LRRC8B: variants seen among roughly 807,000 people sequenced by gnomAD.
The protein encoded by LRRC8B is leucine rich repeat containing 8 VRAC subunit B, also known as volume-regulated anion channel subunit LRRC8B.
Under a neutral mutation model 58.8 loss-of-function variants are expected in LRRC8B, and 23 were observed. The ratio of observed to expected loss-of-function variants is 0.39; its 90% CI spans 0.28 to 0.55. The LOEUF is 0.55. Ranked by LOEUF, LRRC8B falls within the 20% of genes least tolerant of loss-of-function variation. The probability of loss-of-function intolerance (pLI) is 0.62; values close to 1 mark genes in which losing one functional copy is unlikely to be tolerated. For missense variants in LRRC8B, 694 were observed against 936.0 expected (o/e 0.74, Z 3.37); for synonymous variants, 359 against 374.1 (o/e 0.96, Z 0.47).
Position 89,534,542 on chromosome 1 carries a change from C to T in LRRC8B, c.-241+9520C>T, listed in dbSNP as rs906984020. ...ACACACACACACACACACACACACTCAGTATACTTGTTTTTTAAAAAGTGC... is the reference window on the plus strand; with the variant it reads ...ACACACACACACACACACACACACTTAGTATACTTGTTTTTTAAAAAGTGC... On this transcript the variant is annotated intron_variant, in intron 1 of 5. Coordinates refer to ENST00000330947, the MANE Select transcript of LRRC8B (RefSeq NM_001369817.2). Among the ~76,000 whole-genome samples, 4 of 152,076 alleles carry T rather than the reference C, an allele frequency of 2.6e-5. No individual in the cohort carries two copies. In the South Asian group the frequency reaches 8.3e-4, roughly 32 times the overall value.
At chr1:89,574,115 G>A (rs550247207) in intron 3 of LRRC8B, among the ~76,000 whole-genome samples, 182 of 152,330 alleles carry the variant, frequency 1.2e-3, no homozygotes, top group South Asian at 3.7e-3. Context: ...GTCGACAGCC[G>A]AAGCTGGGCT....
intron 1 of LRRC8B, among the ~76,000 whole-genome samples, chr1:89,534,271 C>T (rs1327405659): frequency 6.6e-6 from 1 of 152,174 alleles, no homozygotes; most frequent in East Asian, 1.9e-4. Flanking sequence ...TCTATTATAA[C>T]TATTGGGTTT....
In LRRC8B at chr1:89,597,108, C is replaced by T. The variant is rs894610020; in HGVS notation, c.*4065C>T. On this transcript the variant is annotated 3_prime_UTR_variant, in exon 6 of 6. Transcript: ENST00000330947. ...TTCAGCTGGATGTGAAAAGCTGAAG[C>T]AGTGAAAACCTGCAGTCTTATTTCA... The T allele has an allele frequency of 2.0e-5, 3 of 152,192 alleles. No homozygotes were observed. The highest frequency in any genetic ancestry group is 6.5e-5 in the Admixed American group (1 of 15,268). 9.4% of individuals were successfully genotyped at this position (152,192 alleles called of 1,614,324 possible). A position where few individuals can be genotyped will look rare whatever the true frequency, so the allele number is the denominator to read the frequency against.
intron 3 of LRRC8B, among the ~76,000 whole-genome samples, chr1:89,577,423 G>T (rs1653933853): frequency 6.6e-6 from 1 of 152,084 alleles, no homozygotes; most frequent in Non-Finnish European, 1.5e-5. Context: ...CTGAAATAAT[G>T]GGATTAGAAC....
chr1:89,546,585 C>T (rs1379481323), intron 1 of LRRC8B, among the ~76,000 whole-genome samples: 2 of 152,196 alleles, frequency 1.3e-5, no homozygotes, highest in Non-Finnish European at 2.9e-5. Context: ...TACTCCCTTT[C>T]AAACTCTTTG....
chr1:89,571,411 T>C (rs1653465188), intron 3 of LRRC8B, among the ~76,000 whole-genome samples: 1 of 152,112 alleles, frequency 6.6e-6, no homozygotes, highest in African/African-American at 2.4e-5. Context: ...TGGTTTGTAG[T>C]TCTCCCTAGT....
At chr1:89,526,325 C>T (rs977555494) in intron 1 of LRRC8B, among the ~76,000 whole-genome samples, 5 of 152,218 alleles carry the variant, frequency 3.3e-5, no homozygotes, top group African/African-American at 1.2e-4. Context: ...AGTGATTCTC[C>T]TGCCTCAGCC....
intron 1 of LRRC8B, among the ~76,000 whole-genome samples, chr1:89,530,059 G>A (rs1259699872): frequency 6.6e-6 from 1 of 151,966 alleles, no homozygotes; most frequent in Admixed American, 6.6e-5. Flanking sequence ...TGTTATAAAG[G>A]AGACATGGGT....
intron 5 of LRRC8B, 66 bp from the exon 6 acceptor site, chr1:89,592,702 AAAG>A: frequency 7.4e-7 from 1 of 1,352,500 alleles, no homozygotes; most frequent in Non-Finnish European, 1.0e-6. Flanking sequence ...TTTTTGGAAA[AAAG>A]GTAAATGTCT....
At chr1:89,561,944 G>C (rs530469350) in intron 1 of LRRC8B, among the ~76,000 whole-genome samples, 18 of 152,132 alleles carry the variant, frequency 1.2e-4, no homozygotes, top group African/African-American at 4.3e-4. Context: ...ATCCACTCGT[G>C]CTTTAGGTGA....
chr1:89,576,035 T>C (rs1653821329), intron 3 of LRRC8B, among the ~76,000 whole-genome samples: 1 of 152,196 alleles, frequency 6.6e-6, no homozygotes, highest in Admixed American at 6.5e-5. Flanking sequence ...CTAAATGCAG[T>C]GCTCAGTAGG....
chr1:89,561,941 C>T (rs1044673452), intron 1 of LRRC8B, among the ~76,000 whole-genome samples: 8 of 152,038 alleles, frequency 5.3e-5, no homozygotes, highest in African/African-American at 1.5e-4. Flanking sequence ...TTTATCCACT[C>T]GTGCTTTAGG....
Position 89,583,749 on chromosome 1 carries a change from GC to G in LRRC8B, c.1101del (p.Phe368SerfsTer29). On this transcript the variant is annotated frameshift_variant, in exon 5 of 6. Transcript: ENST00000330947. LOFTEE classifies it high-confidence loss of function. The surrounding 1 kb of genome is among the most constrained non-coding windows in gnomAD (Gnocchi z 5.2). ...SDIPDVKNDF[A>X]FILHLADQYD... Reference sequence around the variant, plus strand: ...CATCCCTGATGTCAAGAATGACTTTGCCTTCATCCTTCATCTGGCTGATCAG... The same window carrying G: ...CATCCCTGATGTCAAGAATGACTTTGCTTCATCCTTCATCTGGCTGATCAG... 6.2e-7 allele frequency: 1 copy of G among 1,614,148 alleles called. No homozygotes were observed. The highest frequency in any genetic ancestry group is 1.1e-5 in the South Asian group (1 of 91,078).
At chr1:89,591,515 T>G (rs1654974216) in intron 5 of LRRC8B, among the ~76,000 whole-genome samples, 1 of 152,236 alleles carries the variant, frequency 6.6e-6, no homozygotes, top group Non-Finnish European at 1.5e-5. Flanking sequence ...ATGATCTATA[T>G]GGAATGTTGT....
chr1:89,547,096 T>G (rs1182783336), intron 1 of LRRC8B, among the ~76,000 whole-genome samples: 1 of 152,236 alleles, frequency 6.6e-6, no homozygotes, highest in Admixed American at 6.5e-5. Context: ...TATTTATGTC[T>G]AAGGTATCTG....
At chr1:89,572,934 A>G (rs1241551896) in intron 3 of LRRC8B, among the ~76,000 whole-genome samples, 2 of 152,200 alleles carry the variant, frequency 1.3e-5, no homozygotes, top group Non-Finnish European at 2.9e-5. Flanking sequence ...TATTATCTAC[A>G]TTAAATATAT....
chr1:89,529,341 A>G (rs553583102), intron 1 of LRRC8B, among the ~76,000 whole-genome samples: 1 of 152,258 alleles, frequency 6.6e-6, no homozygotes, highest in East Asian at 1.9e-4. Flanking sequence ...GTACCTTGTC[A>G]TGGGAGGAGA....
intron 1 of LRRC8B, among the ~76,000 whole-genome samples, chr1:89,567,029 AG>A (rs1255648474): frequency 1.2e-4 from 18 of 152,298 alleles, no homozygotes; most frequent in African/African-American, 4.1e-4. Context: ...ATGTTTTTGA[AG>A]GGGTAGATTA....
Position 89,525,327 on chromosome 1 carries a change from T to C in LRRC8B, c.-241+305T>C, listed in dbSNP as rs1309701243. 3.3e-5 allele frequency among the ~76,000 whole-genome samples: 5 copies of C among 152,234 alleles called. No homozygotes were observed. The East Asian group carries it at 9.7e-4, about 30-fold the overall frequency. ...GTCGCGCCGAGACGGTCACCTCTCT[T>C]TCCCCCGGGAGTCTCGGCGTTGCAC... is the stretch of plus-strand genomic sequence containing the variant. On this transcript the variant is annotated intron_variant, in intron 1 of 5. Coordinates refer to ENST00000330947, the MANE Select transcript of LRRC8B (RefSeq NM_001369817.2).
Sources: gnomAD v4.1 joint callset for allele counts (sites outside exome capture counted in the v4.1 genomes callset) on GRCh38, gnomAD v4.1.1 for gene constraint, Gnocchi (gnomAD v3.1) non-coding constraint, MANE v1.5 for transcripts, NCBI Gene and HGNC (gene_info 2026-07-23, HGNC 2026-07-21) for gene names.